Variants in MNAT1 observed in about 807,000 individuals in gnomAD.
MNAT1 encodes CDK-activating kinase assembly factor MAT1.
In MNAT1, 43 loss-of-function variants were observed where a neutral mutation model predicts 42.0. The observed-to-expected ratio is 1.02, with a 90% CI of 0.80 to 1.32. The LOEUF is 1.32. MNAT1 is among the 40% of genes most tolerant of loss of function. The probability of loss-of-function intolerance (pLI) is 0.00; values close to 1 mark genes in which losing one functional copy is unlikely to be tolerated. For missense variants in MNAT1, 306 were observed against 350.4 expected, an observed-to-expected ratio of 0.87 and a Z score of 1.01; for synonymous variants, 118 against 120.0, an observed-to-expected ratio of 0.98 and a Z score of 0.11.
chr14:60,939,889 G>A (rs2036102942), intron 7 of MNAT1, among the ~76,000 whole-genome samples: 3 of 152,162 alleles, frequency 2.0e-5, no homozygotes, highest in Admixed American at 2.0e-4. Flanking sequence ...AGGTCTCTAA[G>A]GACGTGCTTT....
Position 60,798,862 on chromosome 14 carries a change from C to T in MNAT1, c.316+702C>T, listed in dbSNP as rs148459406. Among the ~76,000 whole-genome samples, 486 of 152,224 alleles carry T rather than the reference C, an allele frequency of 3.2e-3. 9 individuals are homozygous for T. Among genetic ancestry groups the T allele is most frequent in the Admixed American group, 0.025 (387 of 15,286 alleles). On this transcript the variant is annotated intron_variant, in intron 3 of 7. Transcript: ENST00000261245. ...TTGGAAATGACACAAAGGTTATATACTGTGAACATTAGAATGAGACTATGA... is the reference window on the plus strand; with the variant it reads ...TTGGAAATGACACAAAGGTTATATATTGTGAACATTAGAATGAGACTATGA...
chr14:60,914,857 C>A (rs977235159), intron 7 of MNAT1, among the ~76,000 whole-genome samples: 2 of 152,130 alleles, frequency 1.3e-5, no homozygotes, highest in Non-Finnish European at 1.5e-5. Flanking sequence ...TTTGGGAGAG[C>A]AGAGTGAACA....
At chr14:60,748,256 G>C (rs534108511) in intron 1 of MNAT1, among the ~76,000 whole-genome samples, 287 of 151,706 alleles carry the variant, frequency 1.9e-3, no homozygotes, top group Non-Finnish European at 2.9e-3. Context: ...TTTGAGACAG[G>C]GTCTTGCTCT....
At chr14:60,951,797 T>A (rs967487887) in intron 7 of MNAT1, among the ~76,000 whole-genome samples, 1 of 152,162 alleles carries the variant, frequency 6.6e-6, no homozygotes, top group Non-Finnish European at 1.5e-5. Context: ...AATTTTTTTT[T>A]AGTGGGAGTT....
intron 1 of MNAT1, among the ~76,000 whole-genome samples, chr14:60,763,581 CTCGGTTAAA>C (rs548146843): frequency 2.6e-5 from 4 of 152,132 alleles, no homozygotes; most frequent in Non-Finnish European, 5.9e-5. Context: ...TCAATTTTCA[CTCGGTTAAA>C]TCCCAGTTTA....
chr14:60,803,688 G>A lies in MNAT1; in HGVS notation c.317-4637G>A, dbSNP rs1332323827. ...TAGAAGGGTGCTGTTGAAGATAAAC[G>A]TTTAAATCTGGAGTAAGAAAACTAG... On this transcript the variant is annotated intron_variant, in intron 3 of 7. Coordinates refer to ENST00000261245, the MANE Select transcript of MNAT1 (RefSeq NM_002431.4). Among the ~76,000 whole-genome samples, 4 of 152,274 alleles carry A rather than the reference G, an allele frequency of 2.6e-5. No homozygotes were observed. The East Asian group carries it at 5.8e-4, about 22-fold the overall frequency.
chr14:60,938,065 CA>C (rs1347149291), intron 7 of MNAT1, among the ~76,000 whole-genome samples: 1 of 152,128 alleles, frequency 6.6e-6, no homozygotes, highest in African/African-American at 2.4e-5. Flanking sequence ...GTGATTTTTG[CA>C]CATTGATTTT....
Position 60,853,120 on chromosome 14 carries a change from A to G in MNAT1, c.688-26594A>G, listed in dbSNP as rs113301477. Among the ~76,000 whole-genome samples the G allele has an allele frequency of 5.2e-4, 79 of 152,230 alleles. 1 individual carries two copies. The highest frequency in any genetic ancestry group is 1.7e-3 in the African/African-American group (69 of 41,556). ...GCTCGATGGGAATAGCATTGACTCT[A>G]TGAATTTCTTTGGGCAATATGGCCT... On this transcript the variant is annotated intron_variant, in intron 6 of 7. Transcript: ENST00000261245.
At chr14:60,835,920 C>G (rs2033377892) in intron 6 of MNAT1, among the ~76,000 whole-genome samples, 1 of 152,082 alleles carries the variant, frequency 6.6e-6, no homozygotes, top group Admixed American at 6.6e-5. Flanking sequence ...TTCTTGGAGG[C>G]TTTGTTCATT....
intron 6 of MNAT1, among the ~76,000 whole-genome samples, chr14:60,854,093 CTATTG>C (rs2033896360): frequency 6.6e-6 from 1 of 152,174 alleles, no homozygotes; most frequent in Non-Finnish European, 1.5e-5. Context: ...ACAGATTCAG[CTATTG>C]ATACTTGTGT....
chr14:60,879,935 A>T (rs942721463), intron 7 of MNAT1, 100 bp downstream of exon 7: 91 of 1,347,836 alleles, frequency 6.8e-5, no homozygotes, highest in Non-Finnish European at 8.3e-5. Context: ...AGTTTATAGA[A>T]CTTTACTGTT....
At chr14:60,895,820 A>G (rs2034946267) in intron 7 of MNAT1, among the ~76,000 whole-genome samples, 1 of 152,134 alleles carries the variant, frequency 6.6e-6, no homozygotes, top group Admixed American at 6.5e-5. Context: ...GTTTTCCAAT[A>G]TCTGCGTTGA....
chr14:60,957,474 G>A (rs2036506787), intron 7 of MNAT1, among the ~76,000 whole-genome samples: 1 of 152,158 alleles, frequency 6.6e-6, no homozygotes, highest in South Asian at 2.1e-4. Flanking sequence ...CAGATCTCAT[G>A]AGACTTACTC....
intron 6 of MNAT1, among the ~76,000 whole-genome samples, chr14:60,858,404 C>T (rs990755989): frequency 2.0e-5 from 3 of 150,162 alleles, no homozygotes; most frequent in Admixed American, 6.6e-5. Flanking sequence ...TATCCTTTGC[C>T]CACTTTTTGA....
chr14:60,951,290 G>A (rs1051982602), intron 7 of MNAT1, among the ~76,000 whole-genome samples: 9 of 33,756 alleles, frequency 2.7e-4, no homozygotes, highest in Admixed American at 1.6e-3. Context: ...TTTTTTTGCT[G>A]TTTTTGTTGC....
At chr14:60,735,722 G>A (rs771055538) in intron 1 of MNAT1, among the ~76,000 whole-genome samples, 1 of 152,214 alleles carries the variant, frequency 6.6e-6, no homozygotes, top group Admixed American at 6.5e-5. Context: ...AGGGGAAGGG[G>A]GCAGAAGGAG....
intron 6 of MNAT1, among the ~76,000 whole-genome samples, chr14:60,862,660 CA>C (rs1213594590): frequency 3.0e-4 from 45 of 152,172 alleles, no homozygotes; most frequent in African/African-American, 1.1e-3. Flanking sequence ...ACTTGAGATT[CA>C]AAAATCAATG....
chr14:60,782,756 G>A (rs914935689), intron 1 of MNAT1, among the ~76,000 whole-genome samples: 2 of 152,240 alleles, frequency 1.3e-5, no homozygotes, highest in Middle Eastern at 3.4e-3. Flanking sequence ...GGCACAGAGA[G>A]GTTTAATAAT....
chr14:60,961,058 G>A lies in MNAT1; in HGVS notation c.810-7171G>A, dbSNP rs369583724. Among the ~76,000 whole-genome samples, 148 of 152,206 alleles carry A rather than the reference G, an allele frequency of 9.7e-4. 1 individual carries two copies. The highest frequency in any genetic ancestry group is 3.4e-3 in the African/African-American group (143 of 41,550). On this transcript the variant is annotated intron_variant, in intron 7 of 7. Transcript: ENST00000261245. ...GCTCACCGCAACCTCTACCTCCCGGGTTCAAGTGATTCTCCTGCCTCAGCC... is the reference window on the plus strand; with the variant it reads ...GCTCACCGCAACCTCTACCTCCCGGATTCAAGTGATTCTCCTGCCTCAGCC...
Sources: gnomAD v4.1 joint callset for allele counts (sites outside exome capture counted in the v4.1 genomes callset) on GRCh38, gnomAD v4.1.1 for gene constraint, MANE v1.5 for transcripts, NCBI Gene and HGNC (gene_info 2026-07-23, HGNC 2026-07-21) for gene names.